The following CFH variants were observed in gnomAD, a reference collection of about 807,000 sequenced individuals.
CFH encodes the protein complement factor H.
A neutral mutation model predicts 147.3 loss-of-function variants in CFH; 53 were observed. The observed-to-expected ratio is 0.36, with a 90% CI of 0.29 to 0.45. The LOEUF (loss-of-function observed/expected upper bound fraction) is 0.45. Among genes scored for constraint, CFH ranks in the 20% least tolerant of loss-of-function variants. The pLI, the probability that CFH is intolerant of heterozygous loss-of-function variation, is 1.00. For synonymous variants in CFH, 536 were observed against 489.4 expected (o/e 1.10, Z -1.26); for missense variants, 1,380 against 1,498.0 (o/e 0.92, Z 1.30).
chr1:196,700,307 G>C (rs1007082694), intron 9 of CFH, among the ~76,000 whole-genome samples: 1 of 152,012 alleles, frequency 6.6e-6, no homozygotes, highest in Non-Finnish European at 1.5e-5. Context: ...CCACTGTCTT[G>C]GTATATTCTG....
intron 9 of CFH, among the ~76,000 whole-genome samples, chr1:196,693,923 T>C (rs1668155636): frequency 6.6e-6 from 1 of 151,724 alleles, no homozygotes. Flanking sequence ...TCCTCATGGA[T>C]ACATATCTAA....
chr1:196,681,893 G>A (rs898718709), intron 6 of CFH, among the ~76,000 whole-genome samples: 1 of 151,710 alleles, frequency 6.6e-6, no homozygotes, highest in African/African-American at 2.4e-5. Context: ...GATATAAGAT[G>A]AATTCAAAAT....
chr1:196,663,426 C>G (rs1274732845), intron 1 of CFH, among the ~76,000 whole-genome samples: 2 of 152,118 alleles, frequency 1.3e-5, no homozygotes, highest in African/African-American at 4.8e-5. Flanking sequence ...TTTTTAAAAT[C>G]TGCTACTACT....
intron 9 of CFH, among the ~76,000 whole-genome samples, chr1:196,700,602 C>A (rs892872069): frequency 2.3e-4 from 33 of 143,186 alleles, no homozygotes; most frequent in Non-Finnish European, 4.2e-4. Flanking sequence ...TGCAGTGAGC[C>A]AAGATCGTGC....
At chr1:196,659,466 A>G (rs1666831548) in intron 1 of CFH, among the ~76,000 whole-genome samples, 1 of 152,188 alleles carries the variant, frequency 6.6e-6, no homozygotes, top group Admixed American at 6.5e-5. Context: ...TTTTTGTTGA[A>G]GTGGCAGTGT....
intron 15 of CFH, among the ~76,000 whole-genome samples, chr1:196,733,846 A>C (rs1287245299): frequency 6.6e-6 from 1 of 152,086 alleles, no homozygotes; most frequent in African/African-American, 2.4e-5. Flanking sequence ...TCCAGACTGC[A>C]AGTTTTTTAG....
chr1:196,716,952 G>C (rs748144804), intron 11 of CFH, among the ~76,000 whole-genome samples: 16 of 151,964 alleles, frequency 1.1e-4, no homozygotes, highest in Non-Finnish European at 2.1e-4. Flanking sequence ...TCATATAAAT[G>C]ATGACGCTAA....
chr1:196,700,511 A>G (rs1159119918), intron 9 of CFH, among the ~76,000 whole-genome samples: 1 of 152,014 alleles, frequency 6.6e-6, no homozygotes, highest in Admixed American at 6.6e-5. Context: ...AAAGTTGCCC[A>G]GGCATGGTGG....
chr1:196,714,058 T>A, intron 10 of CFH, 141 bp downstream of exon 10: 1 of 725,072 alleles, frequency 1.4e-6, no homozygotes, highest in African/African-American at 1.8e-5. Context: ...AGACATCAAT[T>A]TTTTTTCCTT....
At chr1:196,689,886 G>A (rs1319719123) in intron 8 of CFH, among the ~76,000 whole-genome samples, 177 bp from the exon 9 acceptor site, 9 of 151,870 alleles carry the variant, frequency 5.9e-5, no homozygotes, top group Non-Finnish European at 1.3e-4. Flanking sequence ...ATTGAATATT[G>A]ATATTTCTTT....
chr1:196,664,554 G>A (rs1470838613), intron 1 of CFH, among the ~76,000 whole-genome samples: 1 of 152,146 alleles, frequency 6.6e-6, no homozygotes, highest in Non-Finnish European at 1.5e-5. Flanking sequence ...TATGAGCATA[G>A]CTGTGTTCTA....
intron 15 of CFH, among the ~76,000 whole-genome samples, 200 bp downstream of exon 15, chr1:196,728,722 C>T (rs948553539): frequency 7.0e-6 from 1 of 143,726 alleles, no homozygotes; most frequent in African/African-American, 2.6e-5. Context: ...TAAACACACA[C>T]ACACACACAC....
chr1:196,724,112 T>C (rs185273447), intron 11 of CFH, among the ~76,000 whole-genome samples: 4 of 151,952 alleles, frequency 2.6e-5, no homozygotes, highest in Non-Finnish European at 2.9e-5. Flanking sequence ...AATGCTACAG[T>C]CTTCTTTGCC....
At chr1:196,734,471 A>C (rs1298453349) in intron 15 of CFH, among the ~76,000 whole-genome samples, 3 of 152,122 alleles carry the variant, frequency 2.0e-5, no homozygotes, top group Non-Finnish European at 4.4e-5. Flanking sequence ...CCTGTACTTT[A>C]GGATGCTCCC....
At chr1:196,686,723 A>G (rs1179922224) in intron 7 of CFH, among the ~76,000 whole-genome samples, 1 of 152,118 alleles carries the variant, frequency 6.6e-6, no homozygotes, top group East Asian at 1.9e-4. Flanking sequence ...TGGTTGGCTT[A>G]TGACAATGTA....
At chr1:196,743,783 A>G (rs1288061350) in intron 20 of CFH, among the ~76,000 whole-genome samples, 155 bp downstream of exon 20, 1 of 152,220 alleles carries the variant, frequency 6.6e-6, no homozygotes, top group Non-Finnish European at 1.5e-5. Context: ...TGTGAACAGA[A>G]CACAAGTAAT....
At chr1:196,665,411 A>T (rs1196801018) in intron 1 of CFH, among the ~76,000 whole-genome samples, 1 of 151,164 alleles carries the variant, frequency 6.6e-6, no homozygotes, top group African/African-American at 2.4e-5. Context: ...GATAATAGTA[A>T]GTTAAAATGA....
intron 3 of CFH, among the ~76,000 whole-genome samples, chr1:196,674,324 A>G (rs565613166): frequency 1.3e-5 from 2 of 152,320 alleles, no homozygotes; most frequent in African/African-American, 2.4e-5. Context: ...TTTATATTGT[A>G]TGGTAACTGT....
At chr1:196,740,872 C>T in intron 18 of CFH, 80 bp downstream of exon 18, 1 of 1,351,964 alleles carries the variant, frequency 7.4e-7, no homozygotes, top group African/African-American at 1.4e-5. Flanking sequence ...AGAAAGTAAA[C>T]AGGGACTCTA....
Sources: allele counts gnomAD v4.1 joint callset (sites outside exome capture counted in the v4.1 genomes callset), GRCh38; gene constraint gnomAD v4.1.1; transcripts MANE v1.5; gene names NCBI Gene and HGNC (gene_info 2026-07-23, HGNC 2026-07-21).